The following COL28A1 variants were observed in gnomAD, a reference collection of about 807,000 sequenced individuals.
COL28A1 encodes the protein collagen alpha-1(XXVIII) chain.
A neutral mutation model predicts 150.2 loss-of-function variants in COL28A1; 161 were observed. The ratio of observed to expected loss-of-function variants is 1.07; its 90% confidence interval spans 0.94 to 1.22. The LOEUF (loss-of-function observed/expected upper bound fraction) is 1.22, where lower values mean the gene tolerates loss of function less well. COL28A1 is among the 50% of genes most tolerant of loss of function. COL28A1 has a pLI of 0.00. For synonymous variants in COL28A1, 552 were observed against 469.7 expected (o/e 1.18, Z -2.26); for missense variants, 1,617 against 1,388.3 (o/e 1.16, Z -2.62).
intron 25 of COL28A1, among the ~76,000 whole-genome samples, chr7:7,430,739 T>C (rs1341429254): frequency 1.3e-5 from 2 of 152,222 alleles, no homozygotes; most frequent in South Asian, 2.1e-4. Context: ...GGTTTACCTA[T>C]TGAATTTCTC....
chr7:7,524,093 G>T (rs953027064), intron 4 of COL28A1, 136 bp downstream of exon 4: 1 of 672,510 alleles, frequency 1.5e-6, no homozygotes, highest in Admixed American at 2.3e-5. Context: ...GGCTGCCTCA[G>T]AATAGAGTGG....
rs1780438197 is a variant in COL28A1, at chr7:7,358,273, G to C, written c.*360C>G. 1.2e-5 allele frequency: 2 copies of C among 161,074 alleles called. No individual in the cohort carries two copies. Among genetic ancestry groups the C allele is most frequent in the South Asian group, 3.7e-4 (2 of 5,360 alleles). 10.0% of individuals were successfully genotyped at this position (161,074 alleles called of 1,614,324 possible). ...GAGGTATGGGCAGGGACAGGGGTAG[G>C]GGTTTGAGCTGACATAGTACATACA... On this transcript the variant is annotated 3_prime_UTR_variant, in exon 35 of 35. Transcript: ENST00000399429.
At position 7,474,597 on chromosome 7, in the gene COL28A1, G is replaced by A. The variant is rs966449702; in HGVS notation, c.1302+4C>T. 2 of 1,130,232 alleles carry A rather than the reference G, an allele frequency of 1.8e-6. No homozygotes were observed. Among genetic ancestry groups the A allele is most frequent in the Non-Finnish European group, 2.7e-6 (2 of 738,970 alleles). The allele number at this position is 1,130,232 out of a possible 1,614,324, so 70.0% of individuals were successfully genotyped here. A position where few individuals can be genotyped will look rare whatever the true frequency, so the allele number is the denominator to read the frequency against. ...TTTCCAGTGTACACCCTATTATACA[G>A]TACCTTCTCCCCTTTGATTGACAGG... On this transcript the variant is annotated splice_donor_region_variant and intron_variant, in intron 15 of 34. Transcript: ENST00000399429.
At chr7:7,510,497 C>G (rs756488996) in intron 9 of COL28A1, among the ~76,000 whole-genome samples, 1 of 152,212 alleles carries the variant, frequency 6.6e-6, no homozygotes, top group Non-Finnish European at 1.5e-5. Flanking sequence ...ATTGGTCAGG[C>G]TGGTCTCAAA....
intron 13 of COL28A1, among the ~76,000 whole-genome samples, chr7:7,487,468 C>T (rs1006931909): frequency 6.6e-6 from 1 of 152,014 alleles, no homozygotes; most frequent in African/African-American, 2.4e-5. Context: ...ATCCCAGCTA[C>T]TCGGGAGGCT....
intron 30 of COL28A1, among the ~76,000 whole-genome samples, chr7:7,378,546 T>A (rs931676902): frequency 6.6e-6 from 1 of 152,186 alleles, no homozygotes; most frequent in Admixed American, 6.5e-5. Context: ...GAGGAGTTTG[T>A]TAGTCTGAAA....
intron 25 of COL28A1, among the ~76,000 whole-genome samples, chr7:7,431,866 C>T (rs923640837): frequency 3.9e-5 from 6 of 152,012 alleles, no homozygotes; most frequent in Admixed American, 1.3e-4. Context: ...TATATTTTGG[C>T]GGTAGCATTG....
chr7:7,451,640 C>T (rs1025861397), intron 18 of COL28A1, among the ~76,000 whole-genome samples: 3 of 152,062 alleles, frequency 2.0e-5, no homozygotes, highest in East Asian at 1.9e-4. Flanking sequence ...TGCCTCTCTG[C>T]AATTGACATA....
intron 11 of COL28A1, among the ~76,000 whole-genome samples, chr7:7,497,466 C>T (rs959899694): frequency 6.6e-6 from 1 of 152,102 alleles, no homozygotes; most frequent in Admixed American, 6.5e-5. Flanking sequence ...AAGTAACTTG[C>T]CCAAATCATA....
chr7:7,461,774 C>T (rs951712042), intron 15 of COL28A1, among the ~76,000 whole-genome samples: 2 of 152,172 alleles, frequency 1.3e-5, no homozygotes, highest in African/African-American at 4.8e-5. Context: ...AACACCTAGC[C>T]TTGCTCCCGC....
intron 27 of COL28A1, among the ~76,000 whole-genome samples, chr7:7,413,029 C>A (rs1783872896): frequency 6.6e-6 from 1 of 152,010 alleles, no homozygotes; most frequent in African/African-American, 2.4e-5. Flanking sequence ...AGATATCATG[C>A]AGAATGTATT....
the COL28A1 span, among the ~76,000 whole-genome samples, chr7:7,341,727 T>A: frequency 6.6e-6 from 1 of 152,176 alleles, no homozygotes; most frequent in African/African-American, 2.4e-5. Context: ...ATTTTAGAAA[T>A]GTGTTTCTTC....
intron 27 of COL28A1, among the ~76,000 whole-genome samples, chr7:7,382,801 C>T (rs1178006746): frequency 1.3e-5 from 2 of 152,018 alleles, no homozygotes; most frequent in East Asian, 3.9e-4. Flanking sequence ...AAATGAGAAT[C>T]ACAGGTGAAG....
intron 17 of COL28A1, among the ~76,000 whole-genome samples, chr7:7,452,780 A>C (rs1786812886): frequency 6.6e-6 from 1 of 152,216 alleles, no homozygotes; most frequent in Admixed American, 6.5e-5. Flanking sequence ...TCAAGCTTTC[A>C]AGGCAGGCCC....
At chr7:7,423,312 C>G (rs1784478597) in intron 25 of COL28A1, among the ~76,000 whole-genome samples, 1 of 152,132 alleles carries the variant, frequency 6.6e-6, no homozygotes, top group African/African-American at 2.4e-5. Context: ...ACTAGTCTTT[C>G]CACTTTTGTG....
intron 27 of COL28A1, among the ~76,000 whole-genome samples, chr7:7,400,975 G>GGGGGGTGTGTGTGT (rs1160269291): frequency 4.2e-5 from 5 of 119,074 alleles, no homozygotes. Context: ...TGGGTATTTG[G>GGGGGGTGTGTGTGT]GTGTGTGTGT....
chr7:7,482,117 C>A (rs946639377), intron 13 of COL28A1, among the ~76,000 whole-genome samples: 2 of 152,112 alleles, frequency 1.3e-5, no homozygotes, highest in African/African-American at 4.8e-5. Context: ...GAGAGTAGTA[C>A]TAAATACGAA....
chr7:7,373,959 A>G lies in COL28A1; in HGVS notation c.2360-413T>C, dbSNP rs1279172661. On this transcript the variant is annotated intron_variant, in intron 31 of 34. Coordinates refer to ENST00000399429, the MANE Select transcript of COL28A1 (RefSeq NM_001037763.3). The surrounding 1 kb of genome is among the most constrained non-coding windows in gnomAD (Gnocchi z 4.1). Reference sequence around the variant, plus strand: ...CGTGATATGCCCGCCTCGGCCTCCCAAAGTGCTGGGATTACAGGCGTGAGC... The same window carrying G: ...CGTGATATGCCCGCCTCGGCCTCCCGAAGTGCTGGGATTACAGGCGTGAGC... 8.0e-4 allele frequency among the ~76,000 whole-genome samples: 120 copies of G among 149,074 alleles called. No homozygotes were observed. The highest frequency in any genetic ancestry group is 2.8e-3 in the African/African-American group (114 of 40,370).
At chr7:7,393,294 C>T (rs931063279) in intron 27 of COL28A1, among the ~76,000 whole-genome samples, 1 of 152,210 alleles carries the variant, frequency 6.6e-6, no homozygotes, top group African/African-American at 2.4e-5. Context: ...GTGGAGGCTG[C>T]AGAACAGCAA....
Sources: gnomAD v4.1 joint callset for allele counts (sites outside exome capture counted in the v4.1 genomes callset) on GRCh38, gnomAD v4.1.1 for gene constraint, Gnocchi (gnomAD v3.1) non-coding constraint, MANE v1.5 for transcripts, NCBI Gene and HGNC (gene_info 2026-07-23, HGNC 2026-07-21) for gene names.